The following CLASP2 variants were observed in gnomAD, a reference collection of about 807,000 sequenced individuals.
The protein encoded by CLASP2 is CLIP-associating protein 2.
In CLASP2, 47 loss-of-function variants were observed where a neutral mutation model predicts 194.4. That is an observed-to-expected ratio of 0.24 (90% CI 0.19 to 0.31). The LOEUF is 0.31. CLASP2 is among the 10% of genes least tolerant of loss of function. The pLI, the probability that CLASP2 is intolerant of heterozygous loss-of-function variation, is 1.00. For missense variants in CLASP2, 1,445 were observed against 1,823.6 expected, an observed-to-expected ratio of 0.79 and a Z score of 3.78; for synonymous variants, 619 against 633.5, an observed-to-expected ratio of 0.98 and a Z score of 0.34.
intron 13 of CLASP2, among the ~76,000 whole-genome samples, chr3:33,609,036 T>C (rs1577139902): frequency 6.6e-6 from 1 of 152,214 alleles, no homozygotes; most frequent in South Asian, 2.1e-4. Context: ...TCTCAGCACT[T>C]TGGAAGGCTG....
chr3:33,707,979 T>A (rs1401053859), intron 1 of CLASP2, among the ~76,000 whole-genome samples: 1 of 152,168 alleles, frequency 6.6e-6, no homozygotes. Flanking sequence ...AGGGACTCTG[T>A]GGATATAATT....
chr3:33,582,504 C>T (rs2066382071), intron 22 of CLASP2, among the ~76,000 whole-genome samples: 1 of 151,826 alleles, frequency 6.6e-6, no homozygotes, highest in Non-Finnish European at 1.5e-5. Context: ...AAAAAAAATA[C>T]AAAAATTAGC....
At chr3:33,605,380 AG>A (rs1405678253) in intron 16 of CLASP2, among the ~76,000 whole-genome samples, 2 of 152,228 alleles carry the variant, frequency 1.3e-5, no homozygotes, top group African/African-American at 4.8e-5. Flanking sequence ...TTTAAATAAA[AG>A]TTTAGATAGG....
intron 6 of CLASP2, among the ~76,000 whole-genome samples, chr3:33,667,864 C>G (rs2086474967): frequency 6.6e-6 from 1 of 151,988 alleles, no homozygotes; most frequent in Non-Finnish European, 1.5e-5. Context: ...AGTACCATAC[C>G]ACCAGAACTT....
intron 1 of CLASP2, among the ~76,000 whole-genome samples, chr3:33,716,392 G>C (rs2093302937): frequency 6.6e-6 from 1 of 152,210 alleles, no homozygotes; most frequent in African/African-American, 2.4e-5. Flanking sequence ...TGGTATCACA[G>C]AATATCAGCG....
intron 8 of CLASP2, among the ~76,000 whole-genome samples, chr3:33,637,846 T>C (rs550734611): frequency 6.6e-6 from 1 of 152,300 alleles, no homozygotes; most frequent in Middle Eastern, 3.4e-3. Context: ...GACTAAACAA[T>C]TCCACTTAGA....
At chr3:33,672,221 T>C (rs1296910801) in intron 6 of CLASP2, among the ~76,000 whole-genome samples, 4 of 152,104 alleles carry the variant, frequency 2.6e-5, no homozygotes, top group Admixed American at 6.5e-5. Context: ...ACACCTCACA[T>C]GGCCGGGGAC....
At chr3:33,590,141 T>A (rs2068392034) in intron 21 of CLASP2, among the ~76,000 whole-genome samples, 2 of 152,198 alleles carry the variant, frequency 1.3e-5, no homozygotes, top group Admixed American at 1.3e-4. Context: ...CCAACATATA[T>A]AGTGCTTATT....
rs2073923843 is a variant in CLASP2, at chr3:33,606,697, C to G, written c.1588G>C (p.Glu530Gln). The change falls in exon 16 of 39, where the codon GAG (glutamate) becomes CAG (glutamine). Residue 530 changes from glutamate to glutamine, a missense_variant. Physicochemically the swap from Glu to Gln is conservative, Grantham distance 29. Transcript: ENST00000682230. ...TGAAGACTCTTCTGATAAGATGGCTCAAGGGAATTATATAATGTTTCAGCT... is the reference window on the plus strand; with the variant it reads ...TGAAGACTCTTCTGATAAGATGGCTGAAGGGAATTATATAATGTTTCAGCT... Reference protein sequence around the residue: ...GEAETLYNSLEPSYQKSLQTY... With the variant: ...GEAETLYNSLQPSYQKSLQTY... 1 of 1,612,946 alleles carries G rather than the reference C, an allele frequency of 6.2e-7. No individual in the cohort carries two copies. The highest frequency in any genetic ancestry group is 8.5e-7 in the Non-Finnish European group (1 of 1,179,362).
At chr3:33,604,268 A>C in intron 16 of CLASP2, 59 bp from the exon 17 acceptor site, 5 of 1,118,396 alleles carry the variant, frequency 4.5e-6, no homozygotes, top group Non-Finnish European at 6.5e-6. Context: ...TCTGATAAAA[A>C]CCAATAAAAT....
In CLASP2 at chr3:33,573,351, T is replaced by C; in HGVS notation, c.2458A>G (p.Lys820Glu). 1 of 1,613,456 alleles carries C rather than the reference T, an allele frequency of 6.2e-7. No homozygotes were observed. The highest frequency in any genetic ancestry group is 8.5e-7 in the Non-Finnish European group (1 of 1,179,642). Residue 820 changes from lysine to glutamate, a missense_variant, in exon 25 of 39, where the codon AAA (lysine) becomes GAA (glutamate). By Grantham distance (56) the Lys-to-Glu change is moderately conservative. Transcript: ENST00000682230. ...VEEAVADALK[K>E]PARRRYESYG... ...GATTCATATCTTCTTCGAGCTGGTT[T>C]TTTCTGTTATACATCAAGAATCTCA...
rs570499828 is a variant in CLASP2, at chr3:33,532,920, C to T, written c.3787+2313G>A. The stretch of plus-strand genomic sequence containing the variant: ...AGAATGTCTTTGTAGAAAATAAATC[C>T]TAAAGTGTTTAACGTGACAGAGCAT... On this transcript the variant is annotated intron_variant, in intron 34 of 38. Transcript: ENST00000682230. 2.6e-5 allele frequency among the ~76,000 whole-genome samples: 4 copies of T among 152,200 alleles called. No homozygotes were observed. In the South Asian group the frequency reaches 8.3e-4, roughly 32 times the overall value.
intron 30 of CLASP2, among the ~76,000 whole-genome samples, chr3:33,547,718 T>C (rs892784706): frequency 1.4e-4 from 22 of 152,124 alleles, no homozygotes; most frequent in African/African-American, 5.3e-4. Context: ...TTGATATTAA[T>C]TGTTTGGTGG....
chr3:33,510,316 C>T (rs1443586619), intron 37 of CLASP2, among the ~76,000 whole-genome samples: 1 of 152,108 alleles, frequency 6.6e-6, no homozygotes, highest in Non-Finnish European at 1.5e-5. Flanking sequence ...GGTTGCATAA[C>T]ACTGTGAATG....
intron 30 of CLASP2, among the ~76,000 whole-genome samples, chr3:33,548,257 T>G (rs577136548): frequency 1.3e-4 from 20 of 152,214 alleles, no homozygotes; most frequent in African/African-American, 4.6e-4. Context: ...TACTTACAGA[T>G]TTTTAAAAAA....
intron 28 of CLASP2, among the ~76,000 whole-genome samples, chr3:33,559,945 C>T (rs2061548109): frequency 6.6e-6 from 1 of 152,060 alleles, no homozygotes; most frequent in Non-Finnish European, 1.5e-5. Flanking sequence ...CTTGCCTCAA[C>T]TATAGATTTA....
intron 17 of CLASP2, among the ~76,000 whole-genome samples, chr3:33,603,360 G>C (rs1473086474): frequency 6.6e-6 from 1 of 152,110 alleles, no homozygotes; most frequent in Admixed American, 6.5e-5. Flanking sequence ...CATAAAAATG[G>C]GAAAAATGGT....
At chr3:33,662,241 G>A (rs948317470) in intron 7 of CLASP2, among the ~76,000 whole-genome samples, 1 of 152,268 alleles carries the variant, frequency 6.6e-6, no homozygotes, top group East Asian at 1.9e-4. Context: ...GAATACCTTA[G>A]ATTTTATAGG....
At chr3:33,526,812 C>T (rs1209984290) in intron 34 of CLASP2, among the ~76,000 whole-genome samples, 1 of 152,016 alleles carries the variant, frequency 6.6e-6, no homozygotes, top group African/African-American at 2.4e-5. Context: ...AAATAGAAGT[C>T]AAGACTATGA....
Sources: gnomAD v4.1 joint callset for allele counts (sites outside exome capture counted in the v4.1 genomes callset) on GRCh38, gnomAD v4.1.1 for gene constraint, MANE v1.5 for transcripts, NCBI Gene and HGNC (gene_info 2026-07-23, HGNC 2026-07-21) for gene names.